The following DNAH1 variants were observed in gnomAD, a reference collection of about 807,000 sequenced individuals.
DNAH1 encodes axonemal beta dynein heavy chain 1.
DNAH1 carries 327 observed loss-of-function variants against 484.3 expected under a neutral mutation model. The ratio of observed to expected loss-of-function variants is 0.68; its 90% confidence interval spans 0.62 to 0.74. The LOEUF (loss-of-function observed/expected upper bound fraction) is 0.74, where lower values mean the gene tolerates loss of function less well. Among genes scored for constraint, DNAH1 ranks in the 30% least tolerant of loss-of-function variants. The pLI is 0.00. For missense variants in DNAH1, 5,052 were observed against 5,546.8 expected, an observed-to-expected ratio of 0.91 and a Z score of 2.83; for synonymous variants, 2,192 against 2,191.9, an observed-to-expected ratio of 1.00 and a Z score of 0.00.
chr3:52,316,782 G>A (rs1440108437), intron 1 of DNAH1, among the ~76,000 whole-genome samples: 1 of 152,170 alleles, frequency 6.6e-6, no homozygotes, highest in African/African-American at 2.4e-5. Flanking sequence ...AAGCCAGCAC[G>A]ACTAAAATGC....
Position 52,361,685 on chromosome 3 carries a change from C to A in DNAH1, c.4899C>A (p.Asp1633Glu). Residue 1633 changes from aspartate to glutamate, a missense_variant, in exon 30 of 78, where the codon GAC (aspartate) becomes GAA (glutamate). Coordinates refer to ENST00000420323, the MANE Select transcript of DNAH1 (RefSeq NM_015512.5). The surrounding 1 kb of genome is among the most constrained non-coding windows in gnomAD (Gnocchi z 5.6). Reference sequence around the variant, plus strand: ...GTGCTGGGGCCTGGGCCTGCTTCGACGAGTTCAATCGCATCGACATCGAGG... The same window carrying A: ...GTGCTGGGGCCTGGGCCTGCTTCGAAGAGTTCAATCGCATCGACATCGAGG... ...LASAGAWACF[D>E]EFNRIDIEVL... 1.2e-6 allele frequency: 2 copies of A among 1,609,584 alleles called. No homozygotes were observed. Among genetic ancestry groups the A allele is most frequent in the Non-Finnish European group, 8.5e-7 (1 of 1,178,194 alleles).
At chr3:52,339,055 A>G (rs987367621) in intron 8 of DNAH1, among the ~76,000 whole-genome samples, 1 of 151,904 alleles carries the variant, frequency 6.6e-6, no homozygotes, top group African/African-American at 2.4e-5. Flanking sequence ...ATTCCCTTGA[A>G]TTATAGTTTT....
At position 52,395,786 on chromosome 3, in the gene DNAH1, G is replaced by A; in HGVS notation, c.11259+108G>A. ...TGCCAAGCACTCTGCCCAGCCTCTA[G>A]CACGTGGCAAGTGCTCAGCAACTGA... On this transcript the variant is annotated intron_variant, in intron 70 of 77. Coordinates refer to ENST00000420323, the MANE Select transcript of DNAH1 (RefSeq NM_015512.5). The surrounding 1 kb of genome is among the most constrained non-coding windows in gnomAD (Gnocchi z 4.4). 6.8e-7 allele frequency: 1 copy of A among 1,479,064 alleles called. No individual in the cohort carries two copies. Among genetic ancestry groups the A allele is most frequent in the Non-Finnish European group, 9.1e-7 (1 of 1,096,516 alleles). The allele number at this position is 1,479,064 out of a possible 1,614,324, so 91.6% of individuals were successfully genotyped here.
At chr3:52,339,290 A>G (rs1353758646) in intron 8 of DNAH1, among the ~76,000 whole-genome samples, 2 of 150,046 alleles carry the variant, frequency 1.3e-5, no homozygotes, top group East Asian at 1.9e-4. Flanking sequence ...TCTCTTGGTT[A>G]TATCCTGCCT....
chr3:52,338,730 A>G (rs1701822028), intron 8 of DNAH1, among the ~76,000 whole-genome samples: 1 of 152,094 alleles, frequency 6.6e-6, no homozygotes. Flanking sequence ...GATGCTTTTA[A>G]GAAGTCTGAG....
chr3:52,388,710 C>T, intron 58 of DNAH1, 96 bp from the exon 59 acceptor site: 1 of 1,604,786 alleles, frequency 6.2e-7, no homozygotes, highest in Non-Finnish European at 8.5e-7. Flanking sequence ...TGTCCACACC[C>T]CCTCCCTGGC....
Position 52,395,690 on chromosome 3 carries a change from T to TAGGG in DNAH1, c.11259+12_11259+13insAGGG. The stretch of plus-strand genomic sequence containing the variant: ...TCAACCCCGACAAGGTGTGTTGCCC[T>TAGGG]GCCCATCACAGACCCAGTGGGGCCG... On this transcript the variant is annotated intron_variant, in intron 70 of 77. Transcript: ENST00000420323. The surrounding 1 kb of genome is among the most constrained non-coding windows in gnomAD (Gnocchi z 4.4). 2 of 1,611,484 alleles carry TAGGG rather than the reference T, an allele frequency of 1.2e-6. No homozygotes were observed. The highest frequency in any genetic ancestry group is 1.7e-6 in the Non-Finnish European group (2 of 1,178,740).
rs373953499 is a variant in DNAH1 at position 52,373,065 on chromosome 3, C to T, written c.6985+12C>T. ...CCGCAAGATCATTGGTGAGTGTGGC[C>T]GGCCTGGCTCACAGGGCAAGGGCTA... On this transcript the variant is annotated intron_variant, in intron 44 of 77. Coordinates refer to ENST00000420323, the MANE Select transcript of DNAH1 (RefSeq NM_015512.5). The T allele has an allele frequency of 2.3e-5, 37 of 1,603,126 alleles. No individual in the cohort carries two copies. The highest frequency in any genetic ancestry group is 2.1e-4 in the South Asian group (19 of 90,048).
intron 11 of DNAH1, among the ~76,000 whole-genome samples, chr3:52,347,581 GGTGGGGGGCCTCCCTCTCGT>G (rs1476380313): frequency 4.6e-5 from 7 of 152,334 alleles, no homozygotes; most frequent in African/African-American, 1.7e-4. Flanking sequence ...TCAGCACAGG[GGTGGGGGGCCTCCCTCTCGT>G]GTGGTGCTCA....
In DNAH1 at chr3:52,344,565, T is replaced by C. The variant is rs764278534; in HGVS notation, c.1362T>C (p.Phe454=). ...DYERSMNKIN[F]DHVVSSKPET... is the part of the protein sequence containing the mutation. ...AGCGCAGCATGAACAAGATCAACTT[T>C]GACCACGTTGTCTCTTCCAAGCCCG... Residue 454 remains phenylalanine (F), a synonymous_variant, in exon 9 of 78, where the codon TTT becomes TTC. Coordinates refer to ENST00000420323, the MANE Select transcript of DNAH1 (RefSeq NM_015512.5). 1 of 1,614,040 alleles carries C rather than the reference T, an allele frequency of 6.2e-7. No homozygotes were observed. Among genetic ancestry groups the C allele is most frequent in the Middle Eastern group, 1.6e-4 (1 of 6,062 alleles).
chr3:52,346,803 C>T (rs1702163951), intron 11 of DNAH1, 33 bp downstream of exon 11: 1 of 1,577,582 alleles, frequency 6.3e-7, no homozygotes, highest in South Asian at 1.2e-5. Flanking sequence ...CACCTGTTGA[C>T]ACCAGGTGAT....
Position 52,350,672 on chromosome 3 carries a change from C to G in DNAH1, c.2729+82C>G. ...TGAGCTGCAGAGGCTCCCAAATGCC[C>G]CAGCTGCCACAGTCTGTGCAATCTC... On this transcript the variant is annotated intron_variant, in intron 16 of 77. Transcript: ENST00000420323. The G allele has an allele frequency of 3.2e-6, 4 of 1,266,036 alleles. No individual in the cohort carries two copies. In the Admixed American group the frequency reaches 5.8e-5, roughly 18 times the overall value. The allele number at this position is 1,266,036 out of a possible 1,614,324, so 78.4% of individuals were successfully genotyped here. A position where few individuals can be genotyped will look rare whatever the true frequency, so the allele number is the denominator to read the frequency against.
chr3:52,391,513 G>C lies in DNAH1; in HGVS notation c.9962G>C (p.Arg3321Thr), dbSNP rs936828933. ...GTGATCCCCTACCATGAGGACTTCA[G>C]GATGTACATCACCACCAAGCTGCCC... is the stretch of plus-strand genomic sequence containing the variant. Reference protein sequence around the residue: ...DTVIPYHEDFRMYITTKLPNP... With the variant: ...DTVIPYHEDFTMYITTKLPNP... Residue 3321 changes from arginine to threonine, a missense_variant, in exon 63 of 78, where the codon AGG becomes ACG. By Grantham distance (71) the Arg-to-Thr change is moderately conservative. Around this residue, in one of 4 missense-constraint regions of DNAH1, gnomAD observed 2,929 missense variants for 3,409.4 expected, o/e 0.86. Coordinates refer to ENST00000420323, the MANE Select transcript of DNAH1 (RefSeq NM_015512.5). 3 of 1,613,534 alleles carry C rather than the reference G, an allele frequency of 1.9e-6. No individual in the cohort carries two copies. The highest frequency in any genetic ancestry group is 2.5e-6 in the Non-Finnish European group (3 of 1,179,768).
chr3:52,364,945 AGGACACGGAC>A lies in DNAH1; in HGVS notation c.5445_5454del (p.Glu1815AspfsTer25), dbSNP rs1371861797. The stretch of plus-strand genomic sequence containing the variant: ...GACCTGTTTCCCACCATCAAGGAGG[AGGACACGGAC>A]TACGGCATCCTGGATGAGGCCATCC... On this transcript the variant is annotated frameshift_variant, in exon 34 of 78. Coordinates refer to ENST00000420323, the MANE Select transcript of DNAH1 (RefSeq NM_015512.5). LOFTEE classifies it high-confidence loss of function. This position sits in a 1 kb window ranked among gnomAD's most constrained non-coding sequence, Gnocchi z 4.2. 4 of 1,613,802 alleles carry A rather than the reference AGGACACGGAC, an allele frequency of 2.5e-6. No individual in the cohort carries two copies. Among genetic ancestry groups the A allele is most frequent in the Non-Finnish European group, 3.4e-6 (4 of 1,179,870 alleles).
At chr3:52,374,442 A>G in intron 44 of DNAH1, 1 of 1,339,366 alleles carries the variant, frequency 7.5e-7, no homozygotes, top group South Asian at 1.2e-5. Flanking sequence ...ATGCTGGCCA[A>G]AGACTCACAG....
At position 52,373,068 on chromosome 3, in the gene DNAH1, C is replaced by T; in HGVS notation, c.6985+15C>T. ...CAAGATCATTGGTGAGTGTGGCCGG[C>T]CTGGCTCACAGGGCAAGGGCTACGC... On this transcript the variant is annotated intron_variant, in intron 44 of 77. Coordinates refer to ENST00000420323, the MANE Select transcript of DNAH1 (RefSeq NM_015512.5). 6.2e-7 allele frequency: 1 copy of T among 1,602,358 alleles called. No individual in the cohort carries two copies. Among genetic ancestry groups the T allele is most frequent in the Non-Finnish European group, 8.5e-7 (1 of 1,174,378 alleles).
At chr3:52,335,192 A>C (rs1406721938) in intron 8 of DNAH1, among the ~76,000 whole-genome samples, 1 of 131,474 alleles carries the variant, frequency 7.6e-6, no homozygotes, top group South Asian at 2.4e-4. Context: ...AGTAGCTGGA[A>C]TTACAGGTGC....
chr3:52,349,846 C>T (rs1247471909), intron 14 of DNAH1, 143 bp from the exon 15 acceptor site: 7 of 1,241,354 alleles, frequency 5.6e-6, no homozygotes, highest in African/African-American at 1.5e-5. Context: ...ACCAGGAGCA[C>T]CCCTCTTGGA....
At chr3:52,394,168 G>A (rs1444954449) in intron 66 of DNAH1, among the ~76,000 whole-genome samples, 1 of 152,278 alleles carries the variant, frequency 6.6e-6, no homozygotes, top group Non-Finnish European at 1.5e-5. Flanking sequence ...CACTGTCAGA[G>A]CCCTAACTGC....
Sources: allele counts gnomAD v4.1 joint callset (sites outside exome capture counted in the v4.1 genomes callset), GRCh38; gene constraint gnomAD v4.1.1; regional missense constraint gnomAD v4.1.1; non-coding constraint Gnocchi (gnomAD v3.1); transcripts MANE v1.5; gene names NCBI Gene and HGNC (gene_info 2026-07-23, HGNC 2026-07-21).